EYA3: variants seen among roughly 807,000 people sequenced by gnomAD.
The protein encoded by EYA3 is protein phosphatase EYA3.
A neutral mutation model predicts 80.0 loss-of-function variants in EYA3; 39 were observed. The observed-to-expected ratio is 0.49, with a 90% CI of 0.38 to 0.64. The LOEUF is 0.64. Among genes scored for constraint, EYA3 ranks in the 30% least tolerant of loss-of-function variants. The probability of loss-of-function intolerance (pLI) is 0.00; values close to 1 mark genes in which losing one functional copy is unlikely to be tolerated. For missense variants in EYA3, 523 were observed against 676.1 expected (o/e 0.77, Z 2.51); for synonymous variants, 206 against 232.8 (o/e 0.88, Z 1.05).
chr1:27,993,661 A>C, intron 13 of EYA3, 101 bp from the exon 14 acceptor site: 1 of 963,644 alleles, frequency 1.0e-6, no homozygotes, highest in Non-Finnish European at 1.5e-6. Context: ...AATAAGGCCA[A>C]TGGCTTTAAG....
At chr1:28,017,386 G>A (rs2275492) in intron 7 of EYA3, 147 bp from the exon 8 acceptor site, 141,929 of 573,192 alleles carry the variant, frequency 0.25, 18,522 homozygotes, top group East Asian at 0.3. Flanking sequence ...GCTTTTTTGT[G>A]TGGGATAGCT....
intron 4 of EYA3, among the ~76,000 whole-genome samples, chr1:28,041,004 T>C (rs1419614903): frequency 1.3e-5 from 2 of 152,154 alleles, no homozygotes; most frequent in African/African-American, 2.4e-5. Context: ...TAAAAACAGA[T>C]AGCATATGAA....
intron 1 of EYA3, among the ~76,000 whole-genome samples, chr1:28,071,367 C>A (rs1645015495): frequency 6.6e-6 from 1 of 152,256 alleles, no homozygotes; most frequent in East Asian, 1.9e-4. Context: ...TCATATTTTT[C>A]TGTTTTGATT....
At chr1:28,063,434 G>A (rs1165871528) in intron 1 of EYA3, among the ~76,000 whole-genome samples, 3 of 125,400 alleles carry the variant, frequency 2.4e-5, no homozygotes, top group East Asian at 5.3e-4. Flanking sequence ...TCGGCTCACC[G>A]CAACTTCCAC....
In EYA3 at chr1:27,974,165, G is replaced by A. The variant is rs912950259; in HGVS notation, c.*301C>T. The A allele has an allele frequency of 4.9e-6, 1 of 205,592 alleles. No homozygotes were observed. Among genetic ancestry groups the A allele is most frequent in the Non-Finnish European group, 9.9e-6 (1 of 100,588 alleles). 12.7% of individuals were successfully genotyped at this position (205,592 alleles called of 1,614,324 possible). A position where few individuals can be genotyped will look rare whatever the true frequency, so the allele number is the denominator to read the frequency against. On this transcript the variant is annotated 3_prime_UTR_variant, in exon 18 of 18. Coordinates refer to ENST00000373871, the MANE Select transcript of EYA3 (RefSeq NM_001990.4). ...TCTCTATCCAACTGTCCCTGCTTCTGTATGGAGATGAACACGGGGCTGCAG... is the reference window on the plus strand; with the variant it reads ...TCTCTATCCAACTGTCCCTGCTTCTATATGGAGATGAACACGGGGCTGCAG...
chr1:28,006,533 C>T (rs1241688079), intron 10 of EYA3, among the ~76,000 whole-genome samples: 1 of 151,874 alleles, frequency 6.6e-6, no homozygotes, highest in Non-Finnish European at 1.5e-5. Context: ...GGTGAAACCC[C>T]ATCTCTACTA....
intron 7 of EYA3, among the ~76,000 whole-genome samples, chr1:28,024,027 T>C (rs1485470628): frequency 6.6e-6 from 1 of 152,054 alleles, no homozygotes; most frequent in East Asian, 1.9e-4. Context: ...TCACTTGAGG[T>C]GAGGAGTTTG....
chr1:27,982,076 G>A (rs1639342406), intron 16 of EYA3, among the ~76,000 whole-genome samples: 1 of 147,336 alleles, frequency 6.8e-6, no homozygotes, highest in Non-Finnish European at 1.5e-5. Flanking sequence ...GCGTGATCTT[G>A]GCTCACTGCA....
At chr1:28,023,357 G>A (rs1162671036) in intron 7 of EYA3, among the ~76,000 whole-genome samples, 1 of 152,164 alleles carries the variant, frequency 6.6e-6, no homozygotes, top group Non-Finnish European at 1.5e-5. Flanking sequence ...TTCCTTAACT[G>A]TGGGCTGTAC....
intron 7 of EYA3, among the ~76,000 whole-genome samples, chr1:28,022,497 G>A (rs564717397): frequency 6.6e-6 from 1 of 152,226 alleles, no homozygotes; most frequent in South Asian, 2.1e-4. Flanking sequence ...ATAAGGGACA[G>A]GGTTTAGAAT....
chr1:28,030,878 A>G (rs1643101130), intron 6 of EYA3, among the ~76,000 whole-genome samples: 1 of 152,244 alleles, frequency 6.6e-6, no homozygotes, highest in Non-Finnish European at 1.5e-5. Context: ...CTGATTGTAT[A>G]TCACACTTTT....
intron 7 of EYA3, among the ~76,000 whole-genome samples, chr1:28,020,101 T>C (rs181953684): frequency 6.6e-6 from 1 of 152,292 alleles, no homozygotes; most frequent in African/African-American, 2.4e-5. Context: ...TTTACAAATC[T>C]AACAATTTTC....
intron 10 of EYA3, among the ~76,000 whole-genome samples, chr1:28,006,563 G>A (rs12409584): frequency 0.068 from 10,339 of 151,870 alleles, 619 homozygotes; most frequent in East Asian, 0.25. Flanking sequence ...AAAATTAACC[G>A]GGTGTGGTGG....
At position 28,016,166 on chromosome 1, in the gene EYA3, A is replaced by G. The variant is rs72656594; in HGVS notation, c.585+988T>C. ...GGGTCAAAAAGAAGAGCTATGAGAG[A>G]GAAAGAGACAGTCCTTAGAAAAATA... On this transcript the variant is annotated intron_variant, in intron 8 of 17. Coordinates refer to ENST00000373871, the MANE Select transcript of EYA3 (RefSeq NM_001990.4). 9.1e-3 allele frequency among the ~76,000 whole-genome samples: 1,392 copies of G among 152,308 alleles called. 10 individuals carry two copies. The highest frequency in any genetic ancestry group is 0.017 in the African/African-American group (695 of 41,562).
chr1:28,060,594 A>G (rs2148904003), intron 1 of EYA3, among the ~76,000 whole-genome samples: 1 of 152,378 alleles, frequency 6.6e-6, no homozygotes, highest in Non-Finnish European at 1.5e-5. Context: ...AAACATTTAA[A>G]GACATTCCTT....
At chr1:28,012,039 T>C (rs1298561383) in intron 9 of EYA3, among the ~76,000 whole-genome samples, 1 of 152,184 alleles carries the variant, frequency 6.6e-6, no homozygotes, top group South Asian at 2.1e-4. Flanking sequence ...ACATTATTAA[T>C]ATTGAACTTT....
intron 1 of EYA3, among the ~76,000 whole-genome samples, chr1:28,070,165 G>C (rs538806): frequency 0.014 from 2,139 of 152,222 alleles, 51 homozygotes; most frequent in African/African-American, 0.048. Flanking sequence ...TATGTTTTTT[G>C]TTTGCTTGGT....
intron 2 of EYA3, among the ~76,000 whole-genome samples, chr1:28,054,109 A>G (rs1260923311): frequency 6.6e-6 from 1 of 152,232 alleles, no homozygotes; most frequent in African/African-American, 2.4e-5. Flanking sequence ...TCCATATGCT[A>G]GAGGGGTAAA....
intron 12 of EYA3, 142 bp downstream of exon 12, chr1:27,999,818 T>C: frequency 2.0e-6 from 1 of 510,530 alleles, no homozygotes; most frequent in Non-Finnish European, 3.4e-6. Context: ...TCTAAGACTA[T>C]GTATGTATGC....
Sources: gnomAD v4.1 joint callset for allele counts (sites outside exome capture counted in the v4.1 genomes callset) on GRCh38, gnomAD v4.1.1 for gene constraint, MANE v1.5 for transcripts, NCBI Gene and HGNC (gene_info 2026-07-23, HGNC 2026-07-21) for gene names.